The following EYA4 variants were observed in gnomAD, a reference collection of about 807,000 sequenced individuals.
EYA4 encodes the protein EYA transcriptional coactivator and phosphatase 4, also known as protein phosphatase EYA4.
EYA4 carries 31 observed loss-of-function variants against 87.9 expected under a neutral mutation model. The observed-to-expected ratio is 0.35, with a 90% CI of 0.27 to 0.48. The LOEUF (loss-of-function observed/expected upper bound fraction) is 0.48. EYA4 is among the 20% of genes least tolerant of loss of function. The probability of loss-of-function intolerance (pLI) is 0.99; values close to 1 mark genes in which losing one functional copy is unlikely to be tolerated. For missense variants in EYA4, 678 were observed against 761.4 expected (o/e 0.89, Z 1.29); for synonymous variants, 263 against 270.6 (o/e 0.97, Z 0.28).
intron 2 of EYA4, among the ~76,000 whole-genome samples, chr6:133,380,007 C>G (rs1266887841): frequency 6.6e-6 from 1 of 152,118 alleles, no homozygotes; most frequent in African/African-American, 2.4e-5. Flanking sequence ...ACTGAAATAC[C>G]TACTATTTCC....
intron 2 of EYA4, among the ~76,000 whole-genome samples, chr6:133,295,223 T>G (rs2128304694): frequency 6.6e-6 from 1 of 152,328 alleles, no homozygotes; most frequent in Admixed American, 6.5e-5. Flanking sequence ...ATAATTATAT[T>G]TTTCATCTAA....
intron 2 of EYA4, among the ~76,000 whole-genome samples, chr6:133,369,509 A>G (rs1562339571): frequency 6.6e-6 from 1 of 151,616 alleles, no homozygotes; most frequent in Non-Finnish European, 1.5e-5. Context: ...AAATGTCTGT[A>G]ATTATCTTTC....
At chr6:133,371,560 G>A (rs958417435) in intron 2 of EYA4, among the ~76,000 whole-genome samples, 7 of 152,130 alleles carry the variant, frequency 4.6e-5, no homozygotes, top group Non-Finnish European at 7.4e-5. Context: ...TTTGCAGGGG[G>A]AAGAAGAGGG....
At chr6:133,265,959 TCA>T (rs1776187208) in intron 1 of EYA4, among the ~76,000 whole-genome samples, 1 of 152,226 alleles carries the variant, frequency 6.6e-6, no homozygotes, top group Non-Finnish European at 1.5e-5. Context: ...TTCCTGACAA[TCA>T]GTATCTTTAA....
At chr6:133,440,957 A>G (rs1792216529) in intron 3 of EYA4, among the ~76,000 whole-genome samples, 1 of 151,934 alleles carries the variant, frequency 6.6e-6, no homozygotes, top group Non-Finnish European at 1.5e-5. Flanking sequence ...GCATTCTGTT[A>G]TTTTCAGAAT....
chr6:133,530,962 A>G lies in EYA4; in HGVS notation c.*2157A>G. On this transcript the variant is annotated 3_prime_UTR_variant, in exon 20 of 20. Transcript: ENST00000355286. ...AATTATGTTGTGCACTAAAACCTTA[A>G]ATATTTATTACTGTGAATAAAAACA... The G allele has an allele frequency of 8.0e-7, 1 of 1,242,354 alleles. No individual in the cohort carries two copies. Among genetic ancestry groups the G allele is most frequent in the Non-Finnish European group, 1.0e-6 (1 of 990,340 alleles). 77.0% of individuals were successfully genotyped at this position (1,242,354 alleles called of 1,614,324 possible).
At chr6:133,500,583 A>AG (rs1421995254) in intron 13 of EYA4, among the ~76,000 whole-genome samples, 2 of 152,072 alleles carry the variant, frequency 1.3e-5, no homozygotes, top group Non-Finnish European at 2.9e-5. Context: ...CTCAATTACT[A>AG]GGGGGAAAAA....
intron 2 of EYA4, among the ~76,000 whole-genome samples, chr6:133,317,562 A>G (rs1224019800): frequency 6.6e-6 from 1 of 152,224 alleles, no homozygotes; most frequent in Non-Finnish European, 1.5e-5. Flanking sequence ...TTGTTATATC[A>G]TTATTTGGAA....
At chr6:133,513,882 T>C (rs1483315921) in intron 16 of EYA4, among the ~76,000 whole-genome samples, 1 of 152,160 alleles carries the variant, frequency 6.6e-6, no homozygotes, top group Non-Finnish European at 1.5e-5. Flanking sequence ...ATACTAAATA[T>C]ACATGTGCAT....
intron 2 of EYA4, among the ~76,000 whole-genome samples, chr6:133,297,869 G>A (rs572393704): frequency 6.6e-6 from 1 of 152,088 alleles, no homozygotes; most frequent in African/African-American, 2.4e-5. Context: ...AGCTATGTGG[G>A]GTGGATATTT....
At chr6:133,483,601 C>T (rs1471277694) in intron 13 of EYA4, among the ~76,000 whole-genome samples, 3 of 151,782 alleles carry the variant, frequency 2.0e-5, no homozygotes, top group African/African-American at 7.3e-5. Context: ...GTAACACCCC[C>T]TCCCATACAC....
Position 133,528,865 on chromosome 6 carries a change from T to C in EYA4, c.*60T>C. ...TTCAAGTACACTGAATTTTTATGTG[T>C]GATTCAATGCCTCTGGCTCTACACA... On this transcript the variant is annotated 3_prime_UTR_variant, in exon 20 of 20. Coordinates refer to ENST00000355286, the MANE Select transcript of EYA4 (RefSeq NM_004100.5). 1.9e-6 allele frequency: 3 copies of C among 1,610,688 alleles called. No homozygotes were observed. The highest frequency in any genetic ancestry group is 1.7e-5 in the Admixed American group (1 of 59,876).
At chr6:133,468,895 C>T in intron 11 of EYA4, 164 bp downstream of exon 11, 2 of 731,304 alleles carry the variant, frequency 2.7e-6, no homozygotes, top group South Asian at 3.2e-5. Context: ...TCTGGCATTT[C>T]AGAAGATCCT....
At chr6:133,343,174 G>A (rs138519875) in intron 2 of EYA4, among the ~76,000 whole-genome samples, 19 of 152,268 alleles carry the variant, frequency 1.2e-4, no homozygotes, top group Admixed American at 1.2e-3. Context: ...AGAATGACCT[G>A]AGATCAACCT....
At chr6:133,324,962 G>A (rs954877555) in intron 2 of EYA4, among the ~76,000 whole-genome samples, 34 of 135,394 alleles carry the variant, frequency 2.5e-4, no homozygotes, top group African/African-American at 8.7e-4. Context: ...CCAGACTGGA[G>A]TGCAGTGGCA....
At chr6:133,345,542 T>C (rs948192100) in intron 2 of EYA4, among the ~76,000 whole-genome samples, 1 of 152,198 alleles carries the variant, frequency 6.6e-6, no homozygotes, top group African/African-American at 2.4e-5. Flanking sequence ...ATTCACCTTT[T>C]CTTTGTAAAT....
chr6:133,362,607 C>G (rs1784534019), intron 2 of EYA4, among the ~76,000 whole-genome samples: 1 of 152,124 alleles, frequency 6.6e-6, no homozygotes, highest in Non-Finnish European at 1.5e-5. Flanking sequence ...GGAACAAATT[C>G]TATAGCCACA....
At chr6:133,271,239 C>T (rs1161790198) in intron 1 of EYA4, among the ~76,000 whole-genome samples, 6 of 152,138 alleles carry the variant, frequency 3.9e-5, no homozygotes. Context: ...AGTATTGTCA[C>T]CTAGTTGGCA....
intron 9 of EYA4, among the ~76,000 whole-genome samples, chr6:133,463,607 C>T (rs944843334): frequency 2.6e-5 from 4 of 152,070 alleles, no homozygotes; most frequent in South Asian, 2.1e-4. Flanking sequence ...GTGACCCGCC[C>T]GCCACGGCCT....
Sources: allele counts gnomAD v4.1 joint callset (sites outside exome capture counted in the v4.1 genomes callset), GRCh38; gene constraint gnomAD v4.1.1; transcripts MANE v1.5; gene names NCBI Gene and HGNC (gene_info 2026-07-23, HGNC 2026-07-21).